The following MECOM variants were observed in gnomAD, a reference collection of about 807,000 sequenced individuals.
MECOM encodes the protein histone-lysine N-methyltransferase MECOM.
Under a neutral mutation model 116.3 loss-of-function variants are expected in MECOM, and 13 were observed. The ratio of observed to expected loss-of-function variants is 0.11; its 90% CI spans 0.07 to 0.18. The LOEUF (loss-of-function observed/expected upper bound fraction) is 0.18, where lower values mean the gene tolerates loss of function less well. Among genes scored for constraint, MECOM ranks in the 10% least tolerant of loss-of-function variants. MECOM has a pLI of 1.00. For missense variants in MECOM, 1,299 were observed against 1,509.0 expected, an observed-to-expected ratio of 0.86 and a Z score of 2.31; for synonymous variants, 528 against 535.2, an observed-to-expected ratio of 0.99 and a Z score of 0.19.
chr3:169,433,620 GAAAAGAAAGAAAGAGAAAGAGAAAGAAA>G (rs1742028886), intron 1 of MECOM, among the ~76,000 whole-genome samples: 2 of 123,830 alleles, frequency 1.6e-5, no homozygotes, highest in Middle Eastern at 4.6e-3. Flanking sequence ...GAGGGAAGGA[GAAAAGAAAGAAAGAGAAAGAGAAAGAAA>G]GAAAGAAAGA....
At chr3:169,298,255 T>C (rs1221644820) in intron 2 of MECOM, among the ~76,000 whole-genome samples, 2 of 152,086 alleles carry the variant, frequency 1.3e-5, no homozygotes, top group East Asian at 1.9e-4. Flanking sequence ...GAAATCGATA[T>C]AAAAATACTT....
At chr3:169,252,792 G>A (rs1448702509) in intron 2 of MECOM, among the ~76,000 whole-genome samples, 1 of 152,142 alleles carries the variant, frequency 6.6e-6, no homozygotes, top group Non-Finnish European at 1.5e-5. Context: ...CCATCAAAAG[G>A]CTTTTGTAGA....
intron 1 of MECOM, among the ~76,000 whole-genome samples, chr3:169,573,657 A>G (rs1764173874): frequency 1.3e-5 from 2 of 152,214 alleles, no homozygotes. Context: ...GAAGGAAATC[A>G]AGCGGCATAA....
Position 169,250,774 on chromosome 3 carries a change from C to A in MECOM, c.376-106942G>T, listed in dbSNP as rs2067695. Among the ~76,000 whole-genome samples, 1,164 of 151,942 alleles carry A rather than the reference C, an allele frequency of 7.7e-3. 36 individuals are homozygous for A. In the East Asian group the frequency reaches 0.11, roughly 14 times the overall value. On this transcript the variant is annotated intron_variant, in intron 2 of 16. Transcript: ENST00000651503. Reference sequence around the variant, plus strand: ...GATTAACAAAAAAGCAGTATGAATTCAAAAAAAGGTATAAATGGAAATTTG... The same window carrying A: ...GATTAACAAAAAAGCAGTATGAATTAAAAAAAAGGTATAAATGGAAATTTG...
At chr3:169,503,082 C>T (rs1226188223) in intron 1 of MECOM, among the ~76,000 whole-genome samples, 1 of 152,150 alleles carries the variant, frequency 6.6e-6, no homozygotes, top group Admixed American at 6.6e-5. Flanking sequence ...AGTAAATTCT[C>T]ACAACAGCTT....
chr3:169,198,451 C>T (rs542934926), intron 2 of MECOM, among the ~76,000 whole-genome samples: 1 of 152,108 alleles, frequency 6.6e-6, no homozygotes, highest in South Asian at 2.1e-4. Flanking sequence ...TCTGTGCTCT[C>T]TTTTTGTTTA....
At chr3:169,262,793 G>A (rs748024754) in intron 2 of MECOM, among the ~76,000 whole-genome samples, 12 of 151,990 alleles carry the variant, frequency 7.9e-5, no homozygotes, top group Non-Finnish European at 1.5e-4. Flanking sequence ...ATTAATTACT[G>A]TGATTAATAC....
intron 2 of MECOM, among the ~76,000 whole-genome samples, chr3:169,218,333 G>A (rs1246259614): frequency 6.6e-6 from 1 of 152,154 alleles, no homozygotes; most frequent in Non-Finnish European, 1.5e-5. Context: ...ATTTGCAGTA[G>A]AATTTTTGAA....
At chr3:169,396,915 G>A (rs1426953510) in intron 1 of MECOM, among the ~76,000 whole-genome samples, 2 of 152,168 alleles carry the variant, frequency 1.3e-5, no homozygotes, top group African/African-American at 4.8e-5. Flanking sequence ...GCATGTTGCA[G>A]TGAGCAGAGA....
Position 169,663,526 on chromosome 3 carries a change from C to A in MECOM, c.-154G>T, listed in dbSNP as rs1776614563. On this transcript the variant is annotated 5_prime_UTR_variant, in exon 1 of 17. Coordinates refer to ENST00000651503, the MANE Select transcript of MECOM (RefSeq NM_004991.4). ...TCTCTCTCTCTCTCTCTCTCTCTCT[C>A]TCTCCCTCCCTCCTGTTTCTCTCCT... is the stretch of plus-strand genomic sequence containing the variant. The A allele has an allele frequency of 4.8e-6, 3 of 626,152 alleles. No individual in the cohort carries two copies. In the African/African-American group the frequency reaches 6.2e-5, roughly 13 times the overall value. 38.8% of individuals were successfully genotyped at this position (626,152 alleles called of 1,614,324 possible). A position where few individuals can be genotyped will look rare whatever the true frequency, so the allele number is the denominator to read the frequency against.
At chr3:169,201,555 A>G (rs1215814611) in intron 2 of MECOM, among the ~76,000 whole-genome samples, 1 of 152,090 alleles carries the variant, frequency 6.6e-6, no homozygotes, top group Non-Finnish European at 1.5e-5. Context: ...GAGGGTTCCA[A>G]TCAAGGTCTC....
At chr3:169,630,402 A>T (rs112341942) in intron 1 of MECOM, among the ~76,000 whole-genome samples, 4,183 of 148,414 alleles carry the variant, frequency 0.028, 195 homozygotes, top group African/African-American at 0.099. Flanking sequence ...CTCACAAGTT[A>T]TGGGGAGAAA....
intron 1 of MECOM, among the ~76,000 whole-genome samples, chr3:169,547,976 G>A (rs576337687): frequency 1.9e-4 from 29 of 152,272 alleles, no homozygotes; most frequent in African/African-American, 5.5e-4. Context: ...GATTTTGGAC[G>A]TCTGGCCTCC....
intron 2 of MECOM, among the ~76,000 whole-genome samples, chr3:169,240,808 C>T (rs1387952990): frequency 6.6e-6 from 1 of 152,154 alleles, no homozygotes; most frequent in Non-Finnish European, 1.5e-5. Context: ...TTTTATTAGA[C>T]AGATTTAAGG....
At chr3:169,098,213 A>G (rs1576889833) in intron 12 of MECOM, among the ~76,000 whole-genome samples, 1 of 152,182 alleles carries the variant, frequency 6.6e-6, no homozygotes, top group Non-Finnish European at 1.5e-5. Context: ...TTATTTTAAT[A>G]TCACCAATTT....
chr3:169,655,412 T>C (rs1250696502), intron 1 of MECOM, among the ~76,000 whole-genome samples: 1 of 152,124 alleles, frequency 6.6e-6, no homozygotes, highest in Non-Finnish European at 1.5e-5. Context: ...ACAAACTCAA[T>C]CCACTAAAAG....
At chr3:169,377,481 A>G (rs1042911020) in intron 2 of MECOM, among the ~76,000 whole-genome samples, 5 of 152,232 alleles carry the variant, frequency 3.3e-5, no homozygotes, top group Non-Finnish European at 1.5e-5. Context: ...ACAAATAAAA[A>G]ACAAACAACC....
chr3:169,230,356 A>G (rs973248264), intron 2 of MECOM, among the ~76,000 whole-genome samples: 2 of 152,092 alleles, frequency 1.3e-5, no homozygotes, highest in African/African-American at 4.8e-5. Context: ...TGTTATAATA[A>G]TGCAGTGATT....
chr3:169,566,021 G>T (rs750185309), intron 1 of MECOM: 4 of 427,216 alleles, frequency 9.4e-6, no homozygotes, highest in African/African-American at 4.1e-5. Flanking sequence ...GGTGGAAGGC[G>T]AAGGGGAAAC....
Sources: allele counts gnomAD v4.1 joint callset (sites outside exome capture counted in the v4.1 genomes callset), GRCh38; gene constraint gnomAD v4.1.1; transcripts MANE v1.5; gene names NCBI Gene and HGNC (gene_info 2026-07-23, HGNC 2026-07-21).